The following RGS7BP variants were observed in gnomAD, a reference collection of about 807,000 sequenced individuals.
RGS7BP encodes the protein regulator of G protein signaling 7 binding protein.
In RGS7BP, 9 loss-of-function variants were observed where a neutral mutation model predicts 31.3. The observed-to-expected ratio is 0.29, with a 90% CI of 0.17 to 0.50. RGS7BP has a LOEUF of 0.50. Among genes scored for constraint, RGS7BP ranks in the 20% least tolerant of loss-of-function variants. The pLI, the probability that RGS7BP is intolerant of heterozygous loss-of-function variation, is 0.98. For synonymous variants in RGS7BP, 115 were observed against 120.1 expected, an observed-to-expected ratio of 0.96 and a Z score of 0.28; for missense variants, 274 against 322.0, an observed-to-expected ratio of 0.85 and a Z score of 1.14.
At chr5:64,555,193 A>C (rs544950509) in intron 2 of RGS7BP, among the ~76,000 whole-genome samples, 2 of 152,242 alleles carry the variant, frequency 1.3e-5, no homozygotes, top group East Asian at 3.9e-4. Flanking sequence ...ACTACAATAC[A>C]ATTAAGCTTG....
At chr5:64,511,803 G>A (rs983834213) in intron 2 of RGS7BP, among the ~76,000 whole-genome samples, 1 of 152,200 alleles carries the variant, frequency 6.6e-6, no homozygotes, top group Admixed American at 6.5e-5. Context: ...TTGATGGAAT[G>A]CTTAGCTCTC....
At chr5:64,607,025 G>A (rs1743382603) in intron 5 of RGS7BP, among the ~76,000 whole-genome samples, 1 of 152,046 alleles carries the variant, frequency 6.6e-6, no homozygotes. Flanking sequence ...GGAGGCACCT[G>A]TTTTCTTCTC....
At chr5:64,598,486 C>G (rs774297884) in intron 5 of RGS7BP, 51 bp downstream of exon 5, 2 of 1,104,902 alleles carry the variant, frequency 1.8e-6, no homozygotes, top group Non-Finnish European at 2.8e-6. Context: ...AATGGGATAA[C>G]CTTGGGAATT....
intron 2 of RGS7BP, among the ~76,000 whole-genome samples, chr5:64,548,646 A>C (rs1478075133): frequency 6.6e-6 from 1 of 152,062 alleles, no homozygotes; most frequent in Non-Finnish European, 1.5e-5. Flanking sequence ...AGCTGGGATT[A>C]CAGGCACCCA....
chr5:64,532,671 T>C lies in RGS7BP; in HGVS notation c.332+24794T>C, dbSNP rs1250943709. Among the ~76,000 whole-genome samples, 5 of 152,184 alleles carry C rather than the reference T, an allele frequency of 3.3e-5. No homozygotes were observed. In the East Asian group the frequency reaches 9.6e-4, roughly 29 times the overall value. On this transcript the variant is annotated intron_variant, in intron 2 of 5. Transcript: ENST00000334025. Reference sequence around the variant, plus strand: ...ATAAATAATGAAACAAAAGTTTCTCTAAATTCTTCAGTTCCTGGAAACTAC... The same window carrying C: ...ATAAATAATGAAACAAAAGTTTCTCCAAATTCTTCAGTTCCTGGAAACTAC...
chr5:64,522,442 G>A (rs1749130101), intron 2 of RGS7BP, among the ~76,000 whole-genome samples: 1 of 152,186 alleles, frequency 6.6e-6, no homozygotes, highest in South Asian at 2.1e-4. Context: ...GGAAGAACAT[G>A]ATTTGAAGGA....
chr5:64,599,008 G>T (rs1743151386), intron 5 of RGS7BP, among the ~76,000 whole-genome samples: 1 of 152,190 alleles, frequency 6.6e-6, no homozygotes, highest in African/African-American at 2.4e-5. Flanking sequence ...GTGTCTCCAG[G>T]TCTATCCTAT....
chr5:64,536,977 G>A (rs1053155898), intron 2 of RGS7BP, among the ~76,000 whole-genome samples: 1 of 152,220 alleles, frequency 6.6e-6, no homozygotes, highest in African/African-American at 2.4e-5. Flanking sequence ...TGCACTAGGT[G>A]TGCATTGCAA....
chr5:64,529,144 G>C (rs1749310625), intron 2 of RGS7BP, among the ~76,000 whole-genome samples: 1 of 151,890 alleles, frequency 6.6e-6, no homozygotes, highest in Admixed American at 6.6e-5. Context: ...GTACTTTTTT[G>C]CCATTTTAAT....
intron 2 of RGS7BP, among the ~76,000 whole-genome samples, chr5:64,574,796 C>A (rs907380411): frequency 1.3e-5 from 2 of 152,082 alleles, no homozygotes; most frequent in African/African-American, 2.4e-5. Flanking sequence ...TGCCACTGAC[C>A]CACATTACAA....
At chr5:64,515,987 G>C (rs534076265) in intron 2 of RGS7BP, among the ~76,000 whole-genome samples, 5 of 152,092 alleles carry the variant, frequency 3.3e-5, no homozygotes, top group African/African-American at 7.2e-5. Context: ...ACTTATTATA[G>C]AGACTGGGGT....
chr5:64,595,186 A>C (rs944690651), intron 4 of RGS7BP, among the ~76,000 whole-genome samples: 8 of 152,178 alleles, frequency 5.3e-5, no homozygotes, highest in Non-Finnish European at 1.2e-4. Flanking sequence ...GAGGGGAAAA[A>C]GTCTACATGC....
intron 2 of RGS7BP, among the ~76,000 whole-genome samples, chr5:64,530,591 A>G (rs893134578): frequency 3.9e-5 from 6 of 152,190 alleles, no homozygotes; most frequent in East Asian, 3.8e-4. Flanking sequence ...AAAGGCCACT[A>G]TACTTTCCAC....
At chr5:64,547,826 T>A (rs1488446991) in intron 2 of RGS7BP, among the ~76,000 whole-genome samples, 1 of 152,168 alleles carries the variant, frequency 6.6e-6, no homozygotes, top group Non-Finnish European at 1.5e-5. Flanking sequence ...TCTTTCCTCT[T>A]CTCATTTTTA....
At position 64,594,770 on chromosome 5, in the gene RGS7BP, C is replaced by T. The variant is rs1221077847; in HGVS notation, c.524C>T (p.Thr175Ile). The T allele has an allele frequency of 3.1e-6, 5 of 1,613,650 alleles. No individual in the cohort carries two copies. The highest frequency in any genetic ancestry group is 3.4e-6 in the Non-Finnish European group (4 of 1,179,800). The change falls in exon 4 of 6, where the codon ACA (threonine) becomes ATA (isoleucine). Residue 175 changes from threonine (T) to isoleucine (I), a missense_variant. This residue lies in a region of RGS7BP where 112 missense variants were observed against 130.9 expected (regional missense o/e 0.86). Coordinates refer to ENST00000334025, the MANE Select transcript of RGS7BP (RefSeq NM_001029875.3). Reference sequence around the variant, plus strand: ...TGCAAAATTGAGGAGAGTGCTGAAACACCTGCCCTAGAAGACTCCTCATCA... The same window carrying T: ...TGCAAAATTGAGGAGAGTGCTGAAATACCTGCCCTAGAAGACTCCTCATCA... The part of the protein sequence containing the change: ...LDCKIEESAE[T>I]PALEDSSSSP...
chr5:64,563,045 A>C (rs1224138004), intron 2 of RGS7BP, among the ~76,000 whole-genome samples: 2 of 150,970 alleles, frequency 1.3e-5, no homozygotes, highest in Admixed American at 6.6e-5. Flanking sequence ...TCCTGCTTGC[A>C]CCCTCTCCCT....
chr5:64,548,340 C>G (rs1239621504), intron 2 of RGS7BP, among the ~76,000 whole-genome samples: 1 of 152,022 alleles, frequency 6.6e-6, no homozygotes, highest in African/African-American at 2.4e-5. Context: ...ACAATTGAGT[C>G]AGAAAGGCCT....
chr5:64,541,194 CA>C (rs1019957893), intron 2 of RGS7BP, among the ~76,000 whole-genome samples: 45 of 152,000 alleles, frequency 3.0e-4, no homozygotes, highest in Non-Finnish European at 5.1e-4. Flanking sequence ...TGCCACATGA[CA>C]AGAGTGGGAA....
chr5:64,548,254 AATAAG>A (rs1236903788), intron 2 of RGS7BP, among the ~76,000 whole-genome samples: 5 of 152,146 alleles, frequency 3.3e-5, no homozygotes, highest in Non-Finnish European at 4.4e-5. Flanking sequence ...GTTTCACCAA[AATAAG>A]ATAAGTTACA....
Sources: allele counts gnomAD v4.1 joint callset (sites outside exome capture counted in the v4.1 genomes callset), GRCh38; gene constraint gnomAD v4.1.1; regional missense constraint gnomAD v4.1.1; transcripts MANE v1.5; gene names NCBI Gene and HGNC (gene_info 2026-07-23, HGNC 2026-07-21).